Variants in ZNF704 observed in about 807,000 individuals in gnomAD.
The protein encoded by ZNF704 is zinc finger protein 704, also known as glucocorticoid induced gene 1.
Under a neutral mutation model 44.7 loss-of-function variants are expected in ZNF704, and 10 were observed. The observed-to-expected ratio is 0.22, with a 90% CI of 0.14 to 0.38. The LOEUF is 0.38. Among genes scored for constraint, ZNF704 ranks in the 10% least tolerant of loss-of-function variants. The probability of loss-of-function intolerance (pLI) is 1.00; values close to 1 mark genes in which losing one functional copy is unlikely to be tolerated. For synonymous variants in ZNF704, 211 were observed against 207.6 expected (o/e 1.02, Z -0.14); for missense variants, 390 against 545.5 (o/e 0.71, Z 2.84).
At chr8:80,738,980 G>T (rs1806710864) in intron 2 of ZNF704, among the ~76,000 whole-genome samples, 1 of 152,122 alleles carries the variant, frequency 6.6e-6, no homozygotes, top group East Asian at 1.9e-4. Context: ...CAGGCTAGAA[G>T]GGTAGGACAA....
intron 2 of ZNF704, among the ~76,000 whole-genome samples, chr8:80,753,398 C>A (rs1173055771): frequency 6.6e-6 from 1 of 152,074 alleles, no homozygotes; most frequent in Non-Finnish European, 1.5e-5. Context: ...ATATTTAGAG[C>A]CATCTCTTGG....
rs115224872 is a variant in ZNF704 at position 80,663,183 on chromosome 8, C to T, written c.927+1632G>A. On this transcript the variant is annotated intron_variant, in intron 6 of 8. Coordinates refer to ENST00000327835, the MANE Select transcript of ZNF704 (RefSeq NM_001033723.3). ...CTGCTTGAAGACAGGAGTTCGAGAC[C>T]AGCCTGGGCAATGTAGTGAGAGCTC... Among the ~76,000 whole-genome samples the T allele has an allele frequency of 1.3e-3, 194 of 151,956 alleles. 1 individual carries two copies. The highest frequency in any genetic ancestry group is 4.3e-3 in the African/African-American group (178 of 41,432).
Position 80,643,083 on chromosome 8 carries a change from T to A in ZNF704, c.1079A>T (p.His360Leu). ...HPVGTGEQRQ[H>L]AHTVLSSPPR... Reference sequence around the variant, plus strand: ...TGGGGAGGACAGGACCGTGTGCGCATGCTGTCTCTGCTCTCCTGTGCCCAC... The same window carrying A: ...TGGGGAGGACAGGACCGTGTGCGCAAGCTGTCTCTGCTCTCCTGTGCCCAC... Residue 360 changes from histidine (H) to leucine (L), a missense_variant, in exon 8 of 9, where the codon CAT (histidine) becomes CTT (leucine). His to Leu is a moderately conservative substitution (Grantham distance 99, BLOSUM62 -3). Coordinates refer to ENST00000327835, the MANE Select transcript of ZNF704 (RefSeq NM_001033723.3). 1 of 1,606,398 alleles carries A rather than the reference T, an allele frequency of 6.2e-7. No homozygotes were observed. The highest frequency in any genetic ancestry group is 8.5e-7 in the Non-Finnish European group (1 of 1,176,494).
At chr8:80,727,512 G>A (rs1031837488) in intron 2 of ZNF704, among the ~76,000 whole-genome samples, 1 of 152,010 alleles carries the variant, frequency 6.6e-6, no homozygotes, top group African/African-American at 2.4e-5. Context: ...CTGATGCCTG[G>A]TTATATTTTG....
At position 80,638,959 on chromosome 8, in the gene ZNF704, A is replaced by AT. The variant is rs1734962287; in HGVS notation, c.*2406dup. 1 of 152,366 alleles carries AT rather than the reference A, an allele frequency of 6.6e-6. No homozygotes were observed. Among genetic ancestry groups the AT allele is most frequent in the South Asian group, 2.1e-4 (1 of 4,834 alleles). The allele number at this position is 152,366 out of a possible 1,614,324, so 9.4% of individuals were successfully genotyped here. A position where few individuals can be genotyped will look rare whatever the true frequency, so the allele number is the denominator to read the frequency against. On this transcript the variant is annotated 3_prime_UTR_variant, in exon 9 of 9. Transcript: ENST00000327835. ...TACCTGTGCACTGGCTGAACACCAG[A>AT]TAAGGACTGAGCTTGGCTCAGCTAA...
chr8:80,742,011 C>T (rs373946620), intron 2 of ZNF704, among the ~76,000 whole-genome samples: 1 of 152,152 alleles, frequency 6.6e-6, no homozygotes, highest in East Asian at 1.9e-4. Context: ...CATGCCCACA[C>T]AGCAATATGG....
intron 2 of ZNF704, among the ~76,000 whole-genome samples, chr8:80,801,207 C>T (rs566724295): frequency 7.2e-5 from 11 of 152,120 alleles, no homozygotes; most frequent in Admixed American, 6.5e-4. Flanking sequence ...TAGACTCCCA[C>T]AAAATAATAG....
chr8:80,813,185 T>C (rs1355787006), intron 2 of ZNF704, among the ~76,000 whole-genome samples: 1 of 152,180 alleles, frequency 6.6e-6, no homozygotes, highest in African/African-American at 2.4e-5. Context: ...TTTTCTCCAT[T>C]TTGCTGCCAA....
At chr8:80,720,316 T>A (rs1819144308) in intron 2 of ZNF704, among the ~76,000 whole-genome samples, 1 of 152,216 alleles carries the variant, frequency 6.6e-6, no homozygotes, top group South Asian at 2.1e-4. Flanking sequence ...TTTCTTTTCC[T>A]ACCTGTTCTC....
At chr8:80,747,125 T>C (rs1381164632) in intron 2 of ZNF704, among the ~76,000 whole-genome samples, 1 of 152,084 alleles carries the variant, frequency 6.6e-6, no homozygotes, top group African/African-American at 2.4e-5. Context: ...AACTGGGTAC[T>C]TGAATAAATT....
At chr8:80,875,056 ACT>A (rs1295562602), upstream of ZNF704, among the ~76,000 whole-genome samples, 1 of 151,756 alleles carries the variant, frequency 6.6e-6, no homozygotes, top group Non-Finnish European at 1.5e-5. Flanking sequence ...TGATCTGTAG[ACT>A]CTCTTCTGGC....
chr8:80,849,810 T>C (rs1156682397), intron 1 of ZNF704, among the ~76,000 whole-genome samples: 1 of 152,230 alleles, frequency 6.6e-6, no homozygotes, highest in African/African-American at 2.4e-5. Context: ...TGATAGTTTT[T>C]TACATTTGGG....
intron 2 of ZNF704, among the ~76,000 whole-genome samples, chr8:80,790,185 C>G (rs1807680355): frequency 6.6e-6 from 1 of 152,110 alleles, no homozygotes; most frequent in Non-Finnish European, 1.5e-5. Flanking sequence ...GAGTCTTACC[C>G]AAGAGTTTAA....
intron 4 of ZNF704, among the ~76,000 whole-genome samples, chr8:80,681,468 T>G (rs1190093132): frequency 6.6e-6 from 1 of 152,182 alleles, no homozygotes; most frequent in Admixed American, 6.5e-5. Context: ...GTTATACCAG[T>G]GGTTGGTTGC....
At chr8:80,815,533 G>A (rs1203690656) in intron 2 of ZNF704, among the ~76,000 whole-genome samples, 1 of 152,190 alleles carries the variant, frequency 6.6e-6, no homozygotes, top group African/African-American at 2.4e-5. Context: ...AATTATTTTA[G>A]AGGCTGGACA....
In ZNF704 at chr8:80,739,724, G is replaced by C. The variant is rs116071071; in HGVS notation, c.222-46617C>G. 2.6e-3 allele frequency among the ~76,000 whole-genome samples: 394 copies of C among 152,228 alleles called. 1 individual carries two copies. Among genetic ancestry groups the C allele is most frequent in the African/African-American group, 9.2e-3 (382 of 41,534 alleles). On this transcript the variant is annotated intron_variant, in intron 2 of 8. Transcript: ENST00000327835. ...TTAAAATGACTCCTATTAGGCTCTG[G>C]AAAAGGGAAGAGCTGGGCAAACTGA... is the stretch of plus-strand genomic sequence containing the variant.
chr8:80,836,833 T>C (rs538760482), intron 1 of ZNF704, among the ~76,000 whole-genome samples: 1 of 152,286 alleles, frequency 6.6e-6, no homozygotes, highest in East Asian at 1.9e-4. Context: ...TCTACAGCAC[T>C]ATAGTTCTAT....
chr8:80,655,151 T>C (rs928445692), intron 7 of ZNF704, among the ~76,000 whole-genome samples: 1 of 142,652 alleles, frequency 7.0e-6, no homozygotes, highest in African/African-American at 2.7e-5. Context: ...TGAGAATACA[T>C]GGACACAGGA....
At chr8:80,843,984 T>C (rs1808725579) in intron 1 of ZNF704, among the ~76,000 whole-genome samples, 1 of 149,728 alleles carries the variant, frequency 6.7e-6, no homozygotes. Flanking sequence ...TATATATATA[T>C]ATATATACAC....
Sources: gnomAD v4.1 joint callset for allele counts (sites outside exome capture counted in the v4.1 genomes callset) on GRCh38, gnomAD v4.1.1 for gene constraint, MANE v1.5 for transcripts, NCBI Gene and HGNC (gene_info 2026-07-23, HGNC 2026-07-21) for gene names.